The following DIAPH1 variants were observed in gnomAD, a reference collection of about 807,000 sequenced individuals.
DIAPH1 encodes the protein protein diaphanous homolog 1.
In DIAPH1, 46 loss-of-function variants were observed where a neutral mutation model predicts 140.7. The ratio of observed to expected loss-of-function variants is 0.33; its 90% CI spans 0.26 to 0.42. DIAPH1 has a LOEUF of 0.42. Ranked by LOEUF, DIAPH1 falls within the 10% of genes least tolerant of loss-of-function variation. The pLI is 1.00. For missense variants in DIAPH1, 1,310 were observed against 1,558.7 expected (o/e 0.84, Z 2.69); for synonymous variants, 565 against 551.6 (o/e 1.02, Z -0.34).
chr5:141,523,853 CA>C (rs1396330574), intron 27 of DIAPH1, among the ~76,000 whole-genome samples: 1 of 151,710 alleles, frequency 6.6e-6, no homozygotes, highest in African/African-American at 2.4e-5. Context: ...AATGCCAACT[CA>C]AATCCCTGGG....
intron 1 of DIAPH1, among the ~76,000 whole-genome samples, chr5:141,590,131 A>G (rs2099898175): frequency 6.6e-6 from 1 of 152,182 alleles, no homozygotes; most frequent in Non-Finnish European, 1.5e-5. Context: ...TTCCTCTTTC[A>G]TGGACAAGAA....
chr5:141,537,606 G>A (rs994221897), intron 18 of DIAPH1, among the ~76,000 whole-genome samples: 4 of 151,292 alleles, frequency 2.6e-5, no homozygotes, highest in African/African-American at 9.7e-5. Context: ...CAGTAAGGTT[G>A]ACAGATAAAA....
chr5:141,582,864 GTATAT>G (rs775976214), intron 6 of DIAPH1, among the ~76,000 whole-genome samples: 1 of 152,270 alleles, frequency 6.6e-6, no homozygotes, highest in Admixed American at 6.5e-5. Flanking sequence ...CTAGTCCCAA[GTATAT>G]TATAAGACTT....
rs1273540626 is a variant in DIAPH1, at chr5:141,529,161, G to A, written c.2778+11C>T. On this transcript the variant is annotated intron_variant, in intron 21 of 27. Coordinates refer to ENST00000389054, the MANE Select transcript of DIAPH1 (RefSeq NM_005219.5). ...GGTGGAAAACCGCTTACTGCCACAG[G>A]CCTCACTCACCACCACGCCAAACTG... 1 of 1,611,238 alleles carries A rather than the reference G, an allele frequency of 6.2e-7. No homozygotes were observed. Among genetic ancestry groups the A allele is most frequent in the Non-Finnish European group, 8.5e-7 (1 of 1,177,350 alleles).
intron 1 of DIAPH1, among the ~76,000 whole-genome samples, chr5:141,614,161 G>C (rs2099902276): frequency 6.6e-6 from 1 of 152,052 alleles, no homozygotes; most frequent in African/African-American, 2.4e-5. Context: ...TTTCAAAATG[G>C]GGATGATTTT....
At chr5:141,574,556 A>G (rs538117533) in intron 15 of DIAPH1, among the ~76,000 whole-genome samples, 2 of 152,242 alleles carry the variant, frequency 1.3e-5, no homozygotes, top group Non-Finnish European at 2.9e-5. Flanking sequence ...TAACCACATA[A>G]GTAATCAAGT....
At chr5:141,591,401 A>G (rs537027066) in intron 1 of DIAPH1, among the ~76,000 whole-genome samples, 2 of 151,996 alleles carry the variant, frequency 1.3e-5, no homozygotes, top group Non-Finnish European at 2.9e-5. Context: ...TTAAGTCATT[A>G]TATCTCCTAT....
intron 27 of DIAPH1, chr5:141,518,636 C>T: frequency 2.9e-6 from 1 of 345,102 alleles, no homozygotes; most frequent in East Asian, 5.3e-5. Context: ...GATCCACCCA[C>T]CTCAGCCTCC....
chr5:141,561,002 C>T (rs1255117860), intron 18 of DIAPH1: 7 of 450,128 alleles, frequency 1.6e-5, no homozygotes, highest in Non-Finnish European at 3.1e-5. Flanking sequence ...CTGATCTTCT[C>T]CTCCAATCCC....
chr5:141,518,732 A>G lies in DIAPH1; in HGVS notation c.3662-1724T>C, dbSNP rs1212115698. 9.9e-6 allele frequency: 6 copies of G among 604,110 alleles called. No homozygotes were observed. The East Asian group carries it at 1.7e-4, about 17-fold the overall frequency. The allele number at this position is 604,110 out of a possible 1,614,324, so 37.4% of individuals were successfully genotyped here. On this transcript the variant is annotated intron_variant, in intron 27 of 27. Coordinates refer to ENST00000389054, the MANE Select transcript of DIAPH1 (RefSeq NM_005219.5). ...GAGATGGGGTCTCTCCATGTTGTCTAGGCTGGTCTTGAACTCCTGGGCTCA... is the reference window on the plus strand; with the variant it reads ...GAGATGGGGTCTCTCCATGTTGTCTGGGCTGGTCTTGAACTCCTGGGCTCA...
intron 1 of DIAPH1, among the ~76,000 whole-genome samples, chr5:141,594,233 C>T (rs2099898948): frequency 6.6e-6 from 1 of 152,126 alleles, no homozygotes; most frequent in Non-Finnish European, 1.5e-5. Context: ...ATTTATTTAT[C>T]CAAAGGAAGT....
chr5:141,580,814 C>T lies in DIAPH1; in HGVS notation c.754G>A (p.Val252Ile), dbSNP rs1462480294. 2.5e-6 allele frequency: 4 copies of T among 1,614,186 alleles called. No individual in the cohort carries two copies. Among genetic ancestry groups the T allele is most frequent in the Non-Finnish European group, 2.5e-6 (3 of 1,180,006 alleles). The change falls in exon 8 of 28, where the codon GTT becomes ATT. Residue 252 changes from valine to isoleucine, a missense_variant. Around this residue, in one of 3 missense-constraint regions of DIAPH1, gnomAD observed 377 missense variants for 497.1 expected, o/e 0.76. Coordinates refer to ENST00000389054, the MANE Select transcript of DIAPH1 (RefSeq NM_005219.5). ...LLLVRAMDPA[V>I]PNMMIDAAKL... ...GCTGCATCAATCATCATGTTGGGAA[C>T]AGCAGGATCCATGGCTCTGACCAGC...
chr5:141,578,420 T>C, intron 10 of DIAPH1, 77 bp from the exon 11 acceptor site: 1 of 1,543,122 alleles, frequency 6.5e-7, no homozygotes, highest in Non-Finnish European at 9.0e-7. Context: ...TTCAACCTGG[T>C]TTTTAATTGA....
At chr5:141,591,712 A>ATATATATTTATATATATT (rs1554211010) in intron 1 of DIAPH1, among the ~76,000 whole-genome samples, 18 of 71,674 alleles carry the variant, frequency 2.5e-4, no homozygotes, top group South Asian at 4.6e-4. Context: ...ATATATATAT[A>ATATATATTTATATATATT]TATATATATA....
At chr5:141,558,965 A>G (rs552325026) in intron 18 of DIAPH1, among the ~76,000 whole-genome samples, 4 of 152,118 alleles carry the variant, frequency 2.6e-5, no homozygotes, top group Admixed American at 2.6e-4. Flanking sequence ...TTCTCTGAAG[A>G]AATAGGGTCT....
intron 18 of DIAPH1, among the ~76,000 whole-genome samples, chr5:141,568,270 C>T (rs2099894672): frequency 6.7e-6 from 1 of 150,128 alleles, no homozygotes; most frequent in Admixed American, 6.6e-5. Context: ...AATGAAAATG[C>T]TCCCTTGGAG....
At chr5:141,605,588 T>C (rs1324602233) in intron 1 of DIAPH1, among the ~76,000 whole-genome samples, 3 of 152,176 alleles carry the variant, frequency 2.0e-5, no homozygotes, top group Admixed American at 1.3e-4. Context: ...GGTATGACAA[T>C]GCAATGTGAG....
chr5:141,605,457 C>A (rs568131925), intron 1 of DIAPH1, among the ~76,000 whole-genome samples: 2 of 152,232 alleles, frequency 1.3e-5, no homozygotes, highest in East Asian at 3.9e-4. Context: ...ATTAGCACAT[C>A]ATCTAAAAGC....
intron 18 of DIAPH1, among the ~76,000 whole-genome samples, chr5:141,549,278 T>C (rs1041293587): frequency 1.5e-4 from 23 of 152,152 alleles, no homozygotes; most frequent in African/African-American, 5.6e-4. Flanking sequence ...CAGATAGAGA[T>C]ATCATCTCTA....
Sources: allele counts gnomAD v4.1 joint callset (sites outside exome capture counted in the v4.1 genomes callset), GRCh38; gene constraint gnomAD v4.1.1; regional missense constraint gnomAD v4.1.1; transcripts MANE v1.5; gene names NCBI Gene and HGNC (gene_info 2026-07-23, HGNC 2026-07-21).